Variants in NEK2 observed in about 807,000 individuals in gnomAD.
The protein encoded by NEK2 is NIMA related kinase 2.
Under a neutral mutation model 54.1 loss-of-function variants are expected in NEK2, and 28 were observed. That is an observed-to-expected ratio of 0.52 (90% CI 0.38 to 0.71). NEK2 has a LOEUF of 0.71. NEK2 is among the 30% of genes least tolerant of loss of function. The pLI is 0.00. For missense variants in NEK2, 407 were observed against 531.5 expected (o/e 0.77, Z 2.30); for synonymous variants, 176 against 193.1 (o/e 0.91, Z 0.73).
intron 4 of NEK2, among the ~76,000 whole-genome samples, chr1:211,670,965 A>C (rs988206194): frequency 4.6e-5 from 7 of 152,204 alleles, no homozygotes; most frequent in African/African-American, 7.2e-5. Flanking sequence ...TCTAATAAGA[A>C]AGCACCTAAC....
downstream of NEK2, among the ~76,000 whole-genome samples, chr1:211,658,936 A>G (rs781027546): frequency 4.6e-5 from 7 of 152,096 alleles, no homozygotes; most frequent in Admixed American, 3.9e-4. Flanking sequence ...TAAAGAGCCA[A>G]GATGTTCAAA....
In NEK2 at chr1:211,674,451, A is replaced by G; in HGVS notation, c.159T>C (p.Val53=). 6.2e-7 allele frequency: 1 copy of G among 1,614,164 alleles called. No individual in the cohort carries two copies. Among genetic ancestry groups the G allele is most frequent in the Non-Finnish European group, 8.5e-7 (1 of 1,180,008 alleles). ...SMTEAEKQML[V]SEVNLLRELK... Reference sequence around the variant, plus strand: ...GTTCACGAAGCAAATTCACTTCAGAAACAAGCATCTGTTTCTCAGCTTCTG... The same window carrying G: ...GTTCACGAAGCAAATTCACTTCAGAGACAAGCATCTGTTTCTCAGCTTCTG... Residue 53 remains valine (V), a synonymous_variant, in exon 2 of 8, where the codon GTT becomes GTC. Transcript: ENST00000366999.
intron 6 of NEK2, among the ~76,000 whole-genome samples, chr1:211,668,084 A>T (rs1490432996): frequency 6.6e-6 from 1 of 151,998 alleles, no homozygotes; most frequent in Non-Finnish European, 1.5e-5. Flanking sequence ...AACACTGGGG[A>T]AAGTTATAAG....
chr1:211,670,209 CAAGA>C (rs1307692208), intron 5 of NEK2, 68 bp downstream of exon 5: 2 of 1,421,800 alleles, frequency 1.4e-6, no homozygotes, highest in African/African-American at 2.9e-5. Flanking sequence ...CATTGATCTA[CAAGA>C]GAGAATGTAT....
Position 211,662,861 on chromosome 1 carries a change from AG to A in NEK2, c.*564del, listed in dbSNP as rs1352707280. 584 of 984,756 alleles carry A rather than the reference AG, an allele frequency of 5.9e-4. No homozygotes were observed. Among genetic ancestry groups the A allele is most frequent in the Non-Finnish European group, 6.7e-4 (552 of 829,066 alleles). 61.0% of individuals were successfully genotyped at this position (984,756 alleles called of 1,614,324 possible). ...TATTCTGTTAAACAGAAAAAAAAAA[AG>A]AATACAAACATCACAGTGATGAATT... On this transcript the variant is annotated 3_prime_UTR_variant, in exon 8 of 8. Coordinates refer to ENST00000366999, the MANE Select transcript of NEK2 (RefSeq NM_002497.4). This position sits in a 1 kb window ranked among gnomAD's most constrained non-coding sequence, Gnocchi z 4.2.
chr1:211,661,454 T>A (rs1571636964), downstream of NEK2, among the ~76,000 whole-genome samples: 1 of 152,230 alleles, frequency 6.6e-6, no homozygotes, highest in Non-Finnish European at 1.5e-5. Flanking sequence ...TAATTCCAAA[T>A]CTGTTGTTAT....
At chr1:211,669,533 T>C in intron 5 of NEK2, 1 of 579,222 alleles carries the variant, frequency 1.7e-6, no homozygotes, top group South Asian at 2.1e-5. Context: ...GTAATGCAGA[T>C]GTTAACTTAC....
At chr1:211,660,238 G>T, downstream of NEK2, 2 of 332,296 alleles carry the variant, frequency 6.0e-6, no homozygotes, top group Non-Finnish European at 1.2e-5. Flanking sequence ...AAAGATGGCT[G>T]GGAGCAGGGG....
intron 1 of NEK2, among the ~76,000 whole-genome samples, chr1:211,674,892 T>G (rs576392589): frequency 6.6e-6 from 1 of 152,296 alleles, no homozygotes; most frequent in African/African-American, 2.4e-5. Context: ...TAAAGATCCC[T>G]CCATCAGCAG....
In NEK2 at chr1:211,675,422, C is replaced by T; in HGVS notation, c.58G>A (p.Gly20Ser). 6.2e-7 allele frequency: 1 copy of T among 1,613,940 alleles called. No individual in the cohort carries two copies. Among genetic ancestry groups the T allele is most frequent in the Non-Finnish European group, 8.5e-7 (1 of 1,179,814 alleles). ...VLYTIGTGSYGRCQKIRRKSD... is the reference protein window; with the variant it reads ...VLYTIGTGSYSRCQKIRRKSD... ...TTCCTCCGGATCTTCTGGCAGCGGCCGTAGGAGCCTGTGCCAATGGTGTAC... is the reference window on the plus strand; with the variant it reads ...TTCCTCCGGATCTTCTGGCAGCGGCTGTAGGAGCCTGTGCCAATGGTGTAC... The change falls in exon 1 of 8, where the codon GGC becomes AGC. Residue 20 changes from glycine to serine, a missense_variant. Coordinates refer to ENST00000366999, the MANE Select transcript of NEK2 (RefSeq NM_002497.4).
In NEK2 at chr1:211,674,990, A is replaced by G. The variant is rs540556157; in HGVS notation, c.96+394T>C. Among the ~76,000 whole-genome samples the G allele has an allele frequency of 3.9e-5, 6 of 152,300 alleles. No homozygotes were observed. The South Asian group carries it at 1.2e-3, about 32-fold the overall frequency. Reference sequence around the variant, plus strand: ...ATGAATCCAATAATCCTAATAATGGATATTTTGAGGGAGTCTGACTGCAGA... The same window carrying G: ...ATGAATCCAATAATCCTAATAATGGGTATTTTGAGGGAGTCTGACTGCAGA... On this transcript the variant is annotated intron_variant, in intron 1 of 7. Transcript: ENST00000366999.
chr1:211,658,719 C>CAAAAAAA (rs967490624), downstream of NEK2: 39 of 37,572 alleles, frequency 1.0e-3, no homozygotes, highest in East Asian at 3.8e-3. Flanking sequence ...GACTCTATCT[C>CAAAAAAA]AAAAAAAAAA....
Position 211,663,641 on chromosome 1 carries a change from G to T in NEK2, c.1123C>A (p.Leu375Ile). Residue 375 changes from leucine to isoleucine, a missense_variant, in exon 8 of 8, where the codon CTT becomes ATT. Coordinates refer to ENST00000366999, the MANE Select transcript of NEK2 (RefSeq NM_002497.4). Reference sequence around the variant, plus strand: ...TTCTTCTTAATTACTGAGGATGGAAGATTAAGAAGTTCTTTAGAAGGAAAA... The same window carrying T: ...TTCTTCTTAATTACTGAGGATGGAATATTAAGAAGTTCTTTAGAAGGAAAA... ...SLASNPELLN[L>I]PSSVIKKKVH... is the part of the protein sequence containing the mutation. The T allele has an allele frequency of 6.2e-7, 1 of 1,613,454 alleles. No homozygotes were observed. Among genetic ancestry groups the T allele is most frequent in the Non-Finnish European group, 8.5e-7 (1 of 1,179,676 alleles).
chr1:211,662,581 C>T (rs1023622759), downstream of NEK2, among the ~76,000 whole-genome samples: 3 of 152,088 alleles, frequency 2.0e-5, no homozygotes, highest in African/African-American at 7.2e-5. The surrounding 1 kb of genome is among the most constrained non-coding windows in gnomAD (Gnocchi z 4.2). Context: ...GCAAAATCAC[C>T]CTGTTAAGGA....
At chr1:211,665,676 G>A (rs1266072077) in intron 7 of NEK2, among the ~76,000 whole-genome samples, 1 of 152,134 alleles carries the variant, frequency 6.6e-6, no homozygotes, top group Non-Finnish European at 1.5e-5. Flanking sequence ...TATTGAAATG[G>A]TAGACTGCAA....
At chr1:211,670,678 C>G (rs6698450) in intron 4 of NEK2, among the ~76,000 whole-genome samples, 44,039 of 152,030 alleles carry the variant, frequency 0.29, 6,792 homozygotes, top group African/African-American at 0.38. Context: ...CAGAAGCACT[C>G]CCCAGCTGTG....
intron 7 of NEK2, among the ~76,000 whole-genome samples, chr1:211,666,134 G>A (rs1299811508): frequency 6.6e-6 from 1 of 152,078 alleles, no homozygotes; most frequent in Admixed American, 6.5e-5. Context: ...GAGAATGTTA[G>A]ACAATGGTTC....
rs1010918968 is a variant in NEK2 at position 211,663,050 on chromosome 1, C to T, written c.*376G>A. On this transcript the variant is annotated 3_prime_UTR_variant, in exon 8 of 8. Coordinates refer to ENST00000366999, the MANE Select transcript of NEK2 (RefSeq NM_002497.4). ...TCTAGACATGACAATTGTAAGCATA[C>T]CACTCAGTCATTTAAAACTATTCAG... is the stretch of plus-strand genomic sequence containing the variant. The T allele has an allele frequency of 3.0e-6, 3 of 1,005,960 alleles. No individual in the cohort carries two copies. The South Asian group carries it at 1.3e-4, about 44-fold the overall frequency. 62.3% of individuals were successfully genotyped at this position (1,005,960 alleles called of 1,614,324 possible).
chr1:211,671,329 T>C, intron 3 of NEK2, 45 bp from the exon 4 acceptor site: 1 of 1,440,570 alleles, frequency 6.9e-7, no homozygotes, highest in Non-Finnish European at 9.7e-7. Flanking sequence ...GTTAAGAGTT[T>C]ATTTTGTTTT....
Sources: gnomAD v4.1 joint callset for allele counts (sites outside exome capture counted in the v4.1 genomes callset) on GRCh38, gnomAD v4.1.1 for gene constraint, Gnocchi (gnomAD v3.1) non-coding constraint, MANE v1.5 for transcripts, NCBI Gene and HGNC (gene_info 2026-07-23, HGNC 2026-07-21) for gene names.